OTUB1: variants seen among roughly 807,000 people sequenced by gnomAD.
OTUB1 encodes the protein OTU deubiquitinase, ubiquitin aldehyde binding 1.
In OTUB1, 10 loss-of-function variants were observed where a neutral mutation model predicts 35.8. The ratio of observed to expected loss-of-function variants is 0.28; its 90% CI spans 0.17 to 0.47. The LOEUF is 0.47. Among genes scored for constraint, OTUB1 ranks in the 20% least tolerant of loss-of-function variants. The pLI is 0.99. For missense variants in OTUB1, 264 were observed against 351.6 expected (o/e 0.75, Z 1.99); for synonymous variants, 158 against 143.8 (o/e 1.10, Z -0.71).
intron 3 of OTUB1, chr11:63,990,556 C>T (rs1942661833): frequency 6.7e-6 from 1 of 149,252 alleles, no homozygotes; most frequent in Non-Finnish European, 1.5e-5. Context: ...CACTGCACTC[C>T]AGCCTGGGTG....
intron 1 of OTUB1, 71 bp downstream of exon 1, chr11:63,986,585 G>A (rs1446142602): frequency 1.4e-6 from 2 of 1,408,968 alleles, no homozygotes; most frequent in East Asian, 5.2e-5. Flanking sequence ...TCCCGAGGAG[G>A]GAGGGGAGGC....
chr11:63,993,260 C>T (rs1290110589), intron 3 of OTUB1, among the ~76,000 whole-genome samples: 1 of 152,144 alleles, frequency 6.6e-6, no homozygotes, highest in Non-Finnish European at 1.5e-5. Flanking sequence ...CAGCTGCACT[C>T]AGTGGAAATG....
Position 63,997,688 on chromosome 11 carries a change from G to A in OTUB1, c.*142G>A, listed in dbSNP as rs1379961393. ...ACCCCCCCCCATGTTTTATTAAAGG[G>A]GGTGCTGGTGGTGAGCCGTGTGTGC... On this transcript the variant is annotated 3_prime_UTR_variant, in exon 7 of 7. Coordinates refer to ENST00000538426, the MANE Select transcript of OTUB1 (RefSeq NM_017670.3). 6 of 747,840 alleles carry A rather than the reference G, an allele frequency of 8.0e-6. No homozygotes were observed. Among genetic ancestry groups the A allele is most frequent in the African/African-American group, 5.2e-5 (3 of 57,864 alleles). The allele number at this position is 747,840 out of a possible 1,614,324, so 46.3% of individuals were successfully genotyped here. A position where few individuals can be genotyped will look rare whatever the true frequency, so the allele number is the denominator to read the frequency against.
At chr11:63,988,231 C>T in intron 1 of OTUB1, 106 bp from the exon 2 acceptor site, 1 of 852,838 alleles carries the variant, frequency 1.2e-6, no homozygotes, top group South Asian at 1.6e-5. Flanking sequence ...CTTCCAGATT[C>T]TAAGCCTGTC....
chr11:63,997,711 T>C lies in OTUB1; in HGVS notation c.*165T>C, dbSNP rs2134312585. On this transcript the variant is annotated 3_prime_UTR_variant, in exon 7 of 7. Coordinates refer to ENST00000538426, the MANE Select transcript of OTUB1 (RefSeq NM_017670.3). ...GGGGGTGCTGGTGGTGAGCCGTGTG[T>C]GCGTGTCCCTGCTCTGCTGCCCGCC... 1.4e-6 allele frequency: 1 copy of C among 715,246 alleles called. No homozygotes were observed. The highest frequency in any genetic ancestry group is 2.5e-6 in the Non-Finnish European group (1 of 397,202). The allele number at this position is 715,246 out of a possible 1,614,324, so 44.3% of individuals were successfully genotyped here. A position where few individuals can be genotyped will look rare whatever the true frequency, so the allele number is the denominator to read the frequency against.
intron 3 of OTUB1, among the ~76,000 whole-genome samples, chr11:63,995,721 G>A (rs891792121): frequency 1.3e-5 from 2 of 152,148 alleles, no homozygotes; most frequent in South Asian, 2.1e-4. Context: ...TCTGAGGATT[G>A]TGGGAGGAGG....
At chr11:63,992,723 G>T (rs1942684033) in intron 3 of OTUB1, among the ~76,000 whole-genome samples, 2 of 152,270 alleles carry the variant, frequency 1.3e-5, no homozygotes, top group South Asian at 4.1e-4. Flanking sequence ...GCTAATTTTT[G>T]TATTTTTAGT....
chr11:63,997,797 C>T lies in OTUB1; in HGVS notation c.*251C>T. 1 of 700,252 alleles carries T rather than the reference C, an allele frequency of 1.4e-6. No homozygotes were observed. Among genetic ancestry groups the T allele is most frequent in the East Asian group, 2.7e-5 (1 of 37,268 alleles). The allele number at this position is 700,252 out of a possible 1,614,324, so 43.4% of individuals were successfully genotyped here. A position where few individuals can be genotyped will look rare whatever the true frequency, so the allele number is the denominator to read the frequency against. ...GGTCCCCCTGCTTTTCACCTATCTACTCCTGAGCTTCCCCAACAGGAGCAG... is the reference window on the plus strand; with the variant it reads ...GGTCCCCCTGCTTTTCACCTATCTATTCCTGAGCTTCCCCAACAGGAGCAG... On this transcript the variant is annotated 3_prime_UTR_variant, in exon 7 of 7. Transcript: ENST00000538426.
At chr11:63,991,252 C>T (rs1223375390) in intron 3 of OTUB1, among the ~76,000 whole-genome samples, 1 of 152,152 alleles carries the variant, frequency 6.6e-6, no homozygotes. Context: ...GGAGATGTTA[C>T]GGGCGGTTGT....
chr11:63,988,707 C>T lies in OTUB1; in HGVS notation c.174C>T (p.Tyr58=). 1 of 1,613,204 alleles carries T rather than the reference C, an allele frequency of 6.2e-7. No individual in the cohort carries two copies. The highest frequency in any genetic ancestry group is 8.5e-7 in the Non-Finnish European group (1 of 1,179,710). Residue 58 remains tyrosine (Y), a synonymous_variant, in exon 3 of 7, where the codon TAC becomes TAT. Transcript: ENST00000538426. ...VSERLELSVL[Y]KEYAEDDNIY... ...AGCGGCTGGAGCTCTCGGTCCTATA[C>T]AAGGAGTATGCTGAAGATGACAACA...
At chr11:63,988,607 T>C in intron 2 of OTUB1, 47 bp from the exon 3 acceptor site, 1 of 1,428,638 alleles carries the variant, frequency 7.0e-7, no homozygotes, top group South Asian at 1.1e-5. Context: ...TAGGCATGGG[T>C]CACTCCATCT....
Position 63,997,592 on chromosome 11 carries a change from C to A in OTUB1, c.*46C>A, listed in dbSNP as rs552928353. On this transcript the variant is annotated 3_prime_UTR_variant, in exon 7 of 7. Transcript: ENST00000538426. Reference sequence around the variant, plus strand: ...TGCCCTGCTGCCCCCCTCTGCCAGGCGCTAGACATGTACAGAGGTTTTTCT... The same window carrying A: ...TGCCCTGCTGCCCCCCTCTGCCAGGAGCTAGACATGTACAGAGGTTTTTCT... 13 of 1,538,470 alleles carry A rather than the reference C, an allele frequency of 8.4e-6. No individual in the cohort carries two copies. The highest frequency in any genetic ancestry group is 1.2e-5 in the Non-Finnish European group (13 of 1,113,328).
chr11:63,992,359 C>T (rs943529106), intron 3 of OTUB1, among the ~76,000 whole-genome samples: 4 of 151,526 alleles, frequency 2.6e-5, no homozygotes, highest in Non-Finnish European at 5.9e-5. Flanking sequence ...GCAGTGCCCA[C>T]CCAGGCCCGA....
At chr11:63,990,584 T>TAAA (rs1942662097) in intron 3 of OTUB1, 2 of 101,512 alleles carry the variant, frequency 2.0e-5, no homozygotes, top group East Asian at 4.2e-4. Context: ...GACCTGTCTC[T>TAAA]TAAAAAAATA....
At chr11:63,986,641 C>T (rs1470781785) in intron 1 of OTUB1, 127 bp downstream of exon 1, 1 of 729,142 alleles carries the variant, frequency 1.4e-6, no homozygotes, top group Non-Finnish European at 2.2e-6. Flanking sequence ...GTCCCTTCCT[C>T]CACCTCCGCT....
Position 63,996,664 on chromosome 11 carries a change from A to C in OTUB1, c.338+16A>C. ...AGTTGCAGCGGTGAGAAGGGTGGGC[A>C]CTGGGCACCGAGGCAGGTGGGTGTC... On this transcript the variant is annotated intron_variant, in intron 4 of 6. Transcript: ENST00000538426. 6.2e-7 allele frequency: 1 copy of C among 1,614,218 alleles called. No individual in the cohort carries two copies. Among genetic ancestry groups the C allele is most frequent in the Non-Finnish European group, 8.5e-7 (1 of 1,180,032 alleles).
At chr11:63,994,608 G>A (rs1942700790) in intron 3 of OTUB1, among the ~76,000 whole-genome samples, 1 of 152,228 alleles carries the variant, frequency 6.6e-6, no homozygotes, top group Non-Finnish European at 1.5e-5. Flanking sequence ...TGTATGGTTT[G>A]GTGGCATCCC....
Position 63,998,318 on chromosome 11 carries a change from C to CT in OTUB1, c.*776dup, listed in dbSNP as rs1046287510. 4 of 172,494 alleles carry CT rather than the reference C, an allele frequency of 2.3e-5. No homozygotes were observed. The highest frequency in any genetic ancestry group is 5.0e-5 in the Non-Finnish European group (4 of 79,994). 10.7% of individuals were successfully genotyped at this position (172,494 alleles called of 1,614,324 possible). ...ATTGCCTGCCTTTTTGCCTTCACCT[C>CT]TTTTCTTCCCCGCCCCCTGCACATT... On this transcript the variant is annotated 3_prime_UTR_variant, in exon 7 of 7. Coordinates refer to ENST00000538426, the MANE Select transcript of OTUB1 (RefSeq NM_017670.3).
chr11:63,990,601 T>TAA (rs1213908511), intron 3 of OTUB1: 3 of 132,662 alleles, frequency 2.3e-5, no homozygotes, highest in Non-Finnish European at 3.3e-5. Flanking sequence ...AATAAAAAAA[T>TAA]AAATAAATAA....
Sources: allele counts gnomAD v4.1 joint callset (sites outside exome capture counted in the v4.1 genomes callset), GRCh38; gene constraint gnomAD v4.1.1; transcripts MANE v1.5; gene names NCBI Gene and HGNC (gene_info 2026-07-23, HGNC 2026-07-21).